The following COL16A1 variants were observed in gnomAD, a reference collection of about 807,000 sequenced individuals.
COL16A1 encodes the protein collagen alpha-1(XVI) chain.
In COL16A1, 189 loss-of-function variants were observed where a neutral mutation model predicts 266.3. That is an observed-to-expected ratio of 0.71 (90% confidence interval 0.63 to 0.80). COL16A1 has a LOEUF of 0.80. Among genes scored for constraint, COL16A1 ranks in the 30% least tolerant of loss-of-function variants. COL16A1 has a pLI of 0.00. For missense variants in COL16A1, 1,928 were observed against 2,122.4 expected (o/e 0.91, Z 1.80); for synonymous variants, 740 against 782.3 (o/e 0.95, Z 0.90).
intron 34 of COL16A1, 58 bp from the exon 35 acceptor site, chr1:31,683,427 G>A (rs1570503188): frequency 6.2e-6 from 10 of 1,611,730 alleles, no homozygotes; most frequent in Non-Finnish European, 8.5e-6. Flanking sequence ...TGCCCCACTG[G>A]CCCTGCCGCA....
Position 31,667,544 on chromosome 1 carries a change from C to G in COL16A1, c.3357+31G>C, listed in dbSNP as rs370941639. On this transcript the variant is annotated intron_variant, in intron 52 of 70. Transcript: ENST00000373672. ...AGACTGTGTGGCTCCACGTGCAGCC[C>G]TGCATCCAGCCCCACGCCGCTGGGA... 3 of 1,568,982 alleles carry G rather than the reference C, an allele frequency of 1.9e-6. No homozygotes were observed. In the East Asian group the frequency reaches 7.0e-5, roughly 37 times the overall value.
At position 31,664,914 on chromosome 1, in the gene COL16A1, C is replaced by G. The variant is rs1423620392; in HGVS notation, c.3555+258G>C. 2.0e-5 allele frequency among the ~76,000 whole-genome samples: 3 copies of G among 152,112 alleles called. No homozygotes were observed. The highest frequency in any genetic ancestry group is 1.3e-4 in the Admixed American group (2 of 15,268). On this transcript the variant is annotated intron_variant, in intron 56 of 70. Transcript: ENST00000373672. The surrounding 1 kb of genome is among the most constrained non-coding windows in gnomAD (Gnocchi z 5.5). ...TACCTCCCTGCCTTTCCCCCCATCA[C>G]AGCAGACAAGGGCCTGGGCTGCACA... is the stretch of plus-strand genomic sequence containing the variant.
In COL16A1 at chr1:31,684,674, G is replaced by A. The variant is rs200241943; in HGVS notation, c.2053-44C>T. On this transcript the variant is annotated intron_variant, in intron 30 of 70. Transcript: ENST00000373672. ...AAGGAAAGCAAGGATGGCCCAGCCGGGGGCAGGTTGCCCCCCTGGGACTCG... is the reference window on the plus strand; with the variant it reads ...AAGGAAAGCAAGGATGGCCCAGCCGAGGGCAGGTTGCCCCCCTGGGACTCG... 1.3e-4 allele frequency: 216 copies of A among 1,608,420 alleles called. 3 individuals are homozygous for A. The highest frequency in any genetic ancestry group is 1.7e-4 in the Admixed American group (10 of 59,844).
chr1:31,676,136 C>T (rs1192903918), intron 42 of COL16A1, among the ~76,000 whole-genome samples: 1 of 152,020 alleles, frequency 6.6e-6, no homozygotes, highest in Non-Finnish European at 1.5e-5. Context: ...ACCAGCCTGG[C>T]CAACATGGCG....
chr1:31,695,394 C>A (rs1358796443), intron 10 of COL16A1, among the ~76,000 whole-genome samples, 173 bp from the exon 11 acceptor site: 1 of 148,566 alleles, frequency 6.7e-6, no homozygotes, highest in Non-Finnish European at 1.5e-5. Flanking sequence ...CCCACCCACC[C>A]AGCCCCACAG....
At position 31,668,325 on chromosome 1, in the gene COL16A1, G is replaced by A; in HGVS notation, c.3250-107C>T. 8.3e-7 allele frequency: 1 copy of A among 1,205,116 alleles called. No individual in the cohort carries two copies. The highest frequency in any genetic ancestry group is 1.2e-6 in the Non-Finnish European group (1 of 826,012). The allele number at this position is 1,205,116 out of a possible 1,614,324, so 74.7% of individuals were successfully genotyped here. A position where few individuals can be genotyped will look rare whatever the true frequency, so the allele number is the denominator to read the frequency against. On this transcript the variant is annotated intron_variant, in intron 50 of 70. Coordinates refer to ENST00000373672, the MANE Select transcript of COL16A1 (RefSeq NM_001856.4). This position sits in a 1 kb window ranked among gnomAD's most constrained non-coding sequence, Gnocchi z 5.8. ...AAACCTCTGGGGCTGCCATCTAGCA[G>A]GTGCCAGCCTGCCCCAGCATTGCAC...
chr1:31,696,912 T>TC, intron 8 of COL16A1, 51 bp downstream of exon 8: 1 of 1,607,976 alleles, frequency 6.2e-7, no homozygotes, highest in Non-Finnish European at 8.5e-7. Flanking sequence ...AGGGGAGGGG[T>TC]ATCTCACTTG....
Position 31,697,312 on chromosome 1 carries a change from A to G in COL16A1, c.658-12T>C. 1 of 1,598,528 alleles carries G rather than the reference A, an allele frequency of 6.3e-7. No individual in the cohort carries two copies. ...TGCTGAAGGTCAAACTGCAGGAGACACACACATCAATTTCACTTCATTTTA... is the reference window on the plus strand; with the variant it reads ...TGCTGAAGGTCAAACTGCAGGAGACGCACACATCAATTTCACTTCATTTTA... On this transcript the variant is annotated splice_polypyrimidine_tract_variant and intron_variant, in intron 6 of 70. Transcript: ENST00000373672. The surrounding 1 kb of genome is among the most constrained non-coding windows in gnomAD (Gnocchi z 4.2).
chr1:31,689,838 T>C lies in COL16A1; in HGVS notation c.1523A>G (p.Glu508Gly). 2 of 1,613,914 alleles carry C rather than the reference T, an allele frequency of 1.2e-6. No individual in the cohort carries two copies. Among genetic ancestry groups the C allele is most frequent in the South Asian group, 2.2e-5 (2 of 91,064 alleles). Reference sequence around the variant, plus strand: ...CCCTTCAGGCAGTGTTGGGCACACTTCACAGGGGTCACCCTAGCAGAAGGG... The same window carrying C: ...CCCTTCAGGCAGTGTTGGGCACACTCCACAGGGGTCACCCTAGCAGAAGGG... ...GVKGEKGDPCEVCPTLPEGFQ... is the reference protein window; with the variant it reads ...GVKGEKGDPCGVCPTLPEGFQ... The change falls in exon 23 of 71, where the codon GAA becomes GGA. Residue 508 changes from glutamate to glycine, a missense_variant. Physicochemically the swap from Glu to Gly is moderately conservative, Grantham distance 98 (BLOSUM62 -2). Transcript: ENST00000373672.
chr1:31,673,215 C>T lies in COL16A1; in HGVS notation c.2860-375G>A, dbSNP rs944137587. 8.9e-6 allele frequency: 3 copies of T among 337,620 alleles called. No individual in the cohort carries two copies. The East Asian group carries it at 2.4e-4, about 27-fold the overall frequency. 20.9% of individuals were successfully genotyped at this position (337,620 alleles called of 1,614,324 possible). Reference sequence around the variant, plus strand: ...TGAGGCTGGAAAGGCTGGCTCCGAACGCCAGCTTCTCTGCCCAAGGGAGCA... The same window carrying T: ...TGAGGCTGGAAAGGCTGGCTCCGAATGCCAGCTTCTCTGCCCAAGGGAGCA... On this transcript the variant is annotated intron_variant, in intron 44 of 70. Transcript: ENST00000373672.
intron 22 of COL16A1, chr1:31,690,111 CTT>C: frequency 1.6e-6 from 1 of 641,472 alleles, no homozygotes; most frequent in Non-Finnish European, 2.7e-6. Context: ...GACATGGAAA[CTT>C]GGGCTAAGAG....
At chr1:31,655,951 G>A in intron 66 of COL16A1, 1 of 293,390 alleles carries the variant, frequency 3.4e-6, no homozygotes, top group Non-Finnish European at 6.4e-6. Context: ...TCTCTCTGCA[G>A]CCTCTCCGAC....
intron 44 of COL16A1, 62 bp from the exon 45 acceptor site, chr1:31,672,902 G>A (rs777426649): frequency 2.6e-5 from 40 of 1,510,912 alleles, no homozygotes; most frequent in Non-Finnish European, 3.6e-5. Flanking sequence ...TGGGCCAACT[G>A]GGGAGCCCCA....
rs1644656567 is a variant in COL16A1 at position 31,699,880 on chromosome 1, T to G, written c.199A>C (p.Lys67Gln). 2 of 1,614,114 alleles carry G rather than the reference T, an allele frequency of 1.2e-6. No individual in the cohort carries two copies. The change falls in exon 4 of 71, where the codon AAG (lysine) becomes CAG (glutamine). Residue 67 changes from lysine (K) to glutamine (Q), a missense_variant. Around this residue, in one of 2 missense-constraint regions of COL16A1, gnomAD observed 1,552 missense variants for 1,637.2 expected, o/e 0.95. Transcript: ENST00000373672. ...LSLMKTSAIK[K>Q]IRNPKGPLIL... is the part of the protein sequence containing the mutation. ...AGAGGCCCCTTGGGGTTGCGGATCT[T>G]CTTGATGGCAGACGTCTTCATGAGG...
At position 31,671,701 on chromosome 1, in the gene COL16A1, C is replaced by T. The variant is rs761821060; in HGVS notation, c.3106-42G>A. 7.4e-6 allele frequency: 12 copies of T among 1,612,366 alleles called. No individual in the cohort carries two copies. The East Asian group carries it at 2.7e-4, about 36-fold the overall frequency. On this transcript the variant is annotated intron_variant, in intron 47 of 70. Coordinates refer to ENST00000373672, the MANE Select transcript of COL16A1 (RefSeq NM_001856.4). ...GGGAAATGGATGAAGAGGCCCAGGCCCCATAGAGCCCCTGGGATTCCAGCA... is the reference window on the plus strand; with the variant it reads ...GGGAAATGGATGAAGAGGCCCAGGCTCCATAGAGCCCCTGGGATTCCAGCA...
Position 31,670,521 on chromosome 1 carries a change from A to G in COL16A1, c.3195+81T>C. On this transcript the variant is annotated intron_variant, in intron 49 of 70. Coordinates refer to ENST00000373672, the MANE Select transcript of COL16A1 (RefSeq NM_001856.4). This position sits in a 1 kb window ranked among gnomAD's most constrained non-coding sequence, Gnocchi z 4.5. ...AAACACGGAGGACGGAGGTGAAGGC[A>G]CGACAGGAGGGAGACAAGCAAAAGC... 3 of 1,302,708 alleles carry G rather than the reference A, an allele frequency of 2.3e-6. No homozygotes were observed. Among genetic ancestry groups the G allele is most frequent in the Non-Finnish European group, 2.9e-6 (3 of 1,017,494 alleles). 80.7% of individuals were successfully genotyped at this position (1,302,708 alleles called of 1,614,324 possible).
intron 56 of COL16A1, 22 bp downstream of exon 56, chr1:31,665,150 G>A: frequency 6.2e-7 from 1 of 1,603,218 alleles, no homozygotes; most frequent in East Asian, 2.2e-5. Context: ...CTGTGACTTT[G>A]CCAACCCAGG....
chr1:31,695,730 T>C, intron 10 of COL16A1, 31 bp downstream of exon 10: 1 of 1,610,614 alleles, frequency 6.2e-7, no homozygotes, highest in African/African-American at 1.3e-5. Flanking sequence ...TGCTGGCACC[T>C]CCCCTGCTGC....
At chr1:31,674,971 C>T (rs191384451) in intron 44 of COL16A1, 36 bp downstream of exon 44, 9 of 1,607,362 alleles carry the variant, frequency 5.6e-6, no homozygotes, top group East Asian at 2.2e-5. Context: ...GAGACACCCC[C>T]GCCAGCTCAC....
Sources: gnomAD v4.1 joint callset for allele counts (sites outside exome capture counted in the v4.1 genomes callset) on GRCh38, gnomAD v4.1.1 for gene constraint, gnomAD v4.1.1 regional missense constraint, Gnocchi (gnomAD v3.1) non-coding constraint, MANE v1.5 for transcripts, NCBI Gene and HGNC (gene_info 2026-07-23, HGNC 2026-07-21) for gene names.